ZNF799: variants seen among roughly 807,000 people sequenced by gnomAD.
ZNF799 encodes zinc finger protein 14.
ZNF799 carries 28 observed loss-of-function variants against 41.0 expected under a neutral mutation model. The ratio of observed to expected loss-of-function variants is 0.68; its 90% CI spans 0.51 to 0.94. The LOEUF (loss-of-function observed/expected upper bound fraction) is 0.94, where lower values mean the gene tolerates loss of function less well. ZNF799 is among the 40% of genes least tolerant of loss of function. The pLI is 0.00. For synonymous variants in ZNF799, 213 were observed against 252.9 expected (o/e 0.84, Z 1.50); for missense variants, 716 against 764.3 (o/e 0.94, Z 0.74).
At chr19:12,405,300 A>T (rs1375525375), upstream of ZNF799, among the ~76,000 whole-genome samples, 1 of 152,122 alleles carries the variant, frequency 6.6e-6, no homozygotes, top group Non-Finnish European at 1.5e-5. Context: ...GGGGGAAAAA[A>T]GTTGGAGAGA....
intron 1 of ZNF799, among the ~76,000 whole-genome samples, chr19:12,399,242 T>A (rs1250970887): frequency 6.6e-6 from 1 of 152,232 alleles, no homozygotes; most frequent in Non-Finnish European, 1.5e-5. Context: ...ATTCTGGTCA[T>A]CACCCTCCCA....
At chr19:12,402,376 G>T (rs1424802799), upstream of ZNF799, among the ~76,000 whole-genome samples, 1 of 48,398 alleles carries the variant, frequency 2.1e-5, no homozygotes, top group Non-Finnish European at 5.8e-5. Flanking sequence ...AGGATAATTT[G>T]ACTTCTTCCT....
At chr19:12,411,021 A>G in the ZNF799 span, among the ~76,000 whole-genome samples, 1,505 of 152,352 alleles carry the variant, frequency 9.9e-3, 20 homozygotes, top group African/African-American at 0.035. Context: ...CCAATTTTCT[A>G]CAATCTCTTC....
In ZNF799 at chr19:12,390,856, A is replaced by T; in HGVS notation, c.1542T>A (p.Ser514Arg). ...YECNTCKKAF[S>R]HFGNLKVHER... ...CATGTACTTTTAAGTTACCAAAATG[A>T]CTGAAGGCTTTCTTACATGTGTTAC... is the stretch of plus-strand genomic sequence containing the variant. The change falls in exon 4 of 4, where the codon AGT becomes AGA. Residue 514 changes from serine to arginine, a missense_variant. Transcript: ENST00000430385. 5 of 1,614,124 alleles carry T rather than the reference A, an allele frequency of 3.1e-6. No homozygotes were observed. The highest frequency in any genetic ancestry group is 4.2e-6 in the Non-Finnish European group (5 of 1,180,004).
At chr19:12,411,518 C>G in the ZNF799 span, among the ~76,000 whole-genome samples, 2 of 152,120 alleles carry the variant, frequency 1.3e-5, no homozygotes, top group Non-Finnish European at 2.9e-5. Flanking sequence ...TTCTGCTCAT[C>G]ATCTTCACAT....
At chr19:12,401,030 C>A in intron 1 of ZNF799, 38 bp downstream of exon 1, 2 of 1,613,980 alleles carry the variant, frequency 1.2e-6, no homozygotes, top group Non-Finnish European at 1.7e-6. Flanking sequence ...TCCACCCAGC[C>A]CCTCCCCCGC....
Position 12,390,505 on chromosome 19 carries a change from A to G in ZNF799, c.1893T>C (p.Ala631=), listed in dbSNP as rs1185380146. The part of the protein sequence containing the change: ...YGCKECGKAF[A]SLSSLHRHKK... ...TATGTCTATGCAAGGAACTGAGAGA[A>G]GCAAATGCTTTCCCACATTCCTTAC... Residue 631 remains alanine (A), a synonymous_variant, in exon 4 of 4, where the codon GCT becomes GCC. Coordinates refer to ENST00000430385, the MANE Select transcript of ZNF799 (RefSeq NM_001080821.3). The G allele has an allele frequency of 2.5e-6, 4 of 1,613,826 alleles. No homozygotes were observed. The highest frequency in any genetic ancestry group is 2.2e-5 in the South Asian group (2 of 91,062).
At chr19:12,406,002 A>C (rs1428614228), upstream of ZNF799, among the ~76,000 whole-genome samples, 1 of 151,812 alleles carries the variant, frequency 6.6e-6, no homozygotes. Context: ...GTGAAACCCC[A>C]TCTCTACTAA....
At chr19:12,410,346 C>G in the ZNF799 span, among the ~76,000 whole-genome samples, 2 of 147,876 alleles carry the variant, frequency 1.4e-5, no homozygotes, top group Non-Finnish European at 3.0e-5. Flanking sequence ...ATTCCCCAGG[C>G]TGGTCTCAAA....
At chr19:12,399,183 G>T (rs1432182291) in intron 1 of ZNF799, among the ~76,000 whole-genome samples, 1 of 152,122 alleles carries the variant, frequency 6.6e-6, no homozygotes, top group Non-Finnish European at 1.5e-5. Flanking sequence ...AAAGTCTAAT[G>T]CAACAATCAG....
intron 1 of ZNF799, chr19:12,400,719 C>G: frequency 2.0e-6 from 1 of 503,188 alleles, no homozygotes; most frequent in South Asian, 2.3e-5. Flanking sequence ...CCCTCTCTGG[C>G]TATTAAACTG....
upstream of ZNF799, among the ~76,000 whole-genome samples, chr19:12,406,208 G>C (rs1453298524): frequency 6.6e-6 from 1 of 150,690 alleles, no homozygotes; most frequent in South Asian, 2.1e-4. Context: ...GGCCCGGCGC[G>C]GTGGCTCACG....
At chr19:12,403,113 G>T (rs1970009541), upstream of ZNF799, among the ~76,000 whole-genome samples, 1 of 151,790 alleles carries the variant, frequency 6.6e-6, no homozygotes, top group African/African-American at 2.4e-5. Context: ...CTCATTATTT[G>T]TTATTGGTCT....
Position 12,391,003 on chromosome 19 carries a change from A to AT in ZNF799, c.1394dup (p.Asn465LysfsTer13), listed in dbSNP as rs747782789. ...TCTCTCCAGCATGAGTTGTTTTGTG[A>AT]TTTTGAAAGGAATAGAAATCAATAA... On this transcript the variant is annotated frameshift_variant, in exon 4 of 4. Coordinates refer to ENST00000430385, the MANE Select transcript of ZNF799 (RefSeq NM_001080821.3). LOFTEE classifies it high-confidence loss of function. 4 of 1,613,942 alleles carry AT rather than the reference A, an allele frequency of 2.5e-6. No individual in the cohort carries two copies. Among genetic ancestry groups the AT allele is most frequent in the Non-Finnish European group, 3.4e-6 (4 of 1,179,958 alleles).
In ZNF799 at chr19:12,391,447, C is replaced by T. The variant is rs753812155; in HGVS notation, c.951G>A (p.Ala317=). The T allele has an allele frequency of 7.6e-5, 123 of 1,613,732 alleles. No individual in the cohort carries two copies. Among genetic ancestry groups the T allele is most frequent in the South Asian group, 1.5e-4 (14 of 91,064 alleles). Residue 317 remains alanine, a synonymous_variant, in exon 4 of 4, where the codon GCG becomes GCA. Coordinates refer to ENST00000430385, the MANE Select transcript of ZNF799 (RefSeq NM_001080821.3). ...KPYACQQCGK[A]FHHLGSFQRH... is the part of the protein sequence containing the mutation. ...TTTGAAAGCTTCCCAGATGATGAAA[C>T]GCTTTCCCACATTGCTGACATGCAT...
the ZNF799 span, among the ~76,000 whole-genome samples, chr19:12,412,122 T>C: frequency 6.6e-6 from 1 of 152,178 alleles, no homozygotes; most frequent in African/African-American, 2.4e-5. Context: ...CCACATGGAC[T>C]GCAGACATGT....
At chr19:12,394,147 C>T (rs1236680212) in intron 1 of ZNF799, 7 of 152,140 alleles carry the variant, frequency 4.6e-5, no homozygotes, top group Admixed American at 3.9e-4. Context: ...TAATCCGTAA[C>T]GGGTGAATGA....
chr19:12,390,941 CTGAA>C lies in ZNF799; in HGVS notation c.1453_1456del (p.Phe485ValfsTer34). The C allele has an allele frequency of 6.2e-7, 1 of 1,613,106 alleles. No homozygotes were observed. The highest frequency in any genetic ancestry group is 8.5e-7 in the Non-Finnish European group (1 of 1,179,724). ...ATGTTGAGAAAGGTATTGGAAACAA[CTGAA>C]TGCTTTCCCACATTCCTTACACTCA... is the stretch of plus-strand genomic sequence containing the variant. On this transcript the variant is annotated frameshift_variant, in exon 4 of 4. Coordinates refer to ENST00000430385, the MANE Select transcript of ZNF799 (RefSeq NM_001080821.3). LOFTEE classifies it high-confidence loss of function.
At chr19:12,413,109 T>G in the ZNF799 span, among the ~76,000 whole-genome samples, 1 of 151,776 alleles carries the variant, frequency 6.6e-6, no homozygotes, top group African/African-American at 2.4e-5. Context: ...TGTGAGTTCT[T>G]CAAACTGCTG....
Sources: allele counts gnomAD v4.1 joint callset (sites outside exome capture counted in the v4.1 genomes callset), GRCh38; gene constraint gnomAD v4.1.1; transcripts MANE v1.5; gene names NCBI Gene and HGNC (gene_info 2026-07-23, HGNC 2026-07-21).